Variants in SOX6 observed in about 807,000 individuals in gnomAD.
The protein encoded by SOX6 is SRY-box transcription factor 6.
Under a neutral mutation model 97.8 loss-of-function variants are expected in SOX6, and 11 were observed. That is an observed-to-expected ratio of 0.11 (90% CI 0.07 to 0.19). The LOEUF (loss-of-function observed/expected upper bound fraction) is 0.19, where lower values mean the gene tolerates loss of function less well. SOX6 is among the 10% of genes least tolerant of loss of function. The probability of loss-of-function intolerance (pLI) is 1.00; values close to 1 mark genes in which losing one functional copy is unlikely to be tolerated. For missense variants in SOX6, 810 were observed against 1,039.5 expected (o/e 0.78, Z 3.04); for synonymous variants, 360 against 371.4 (o/e 0.97, Z 0.35).
chr11:16,398,623 T>A (rs1187928648), intron 1 of SOX6, among the ~76,000 whole-genome samples: 1 of 151,418 alleles, frequency 6.6e-6, no homozygotes, highest in Non-Finnish European at 1.5e-5. Flanking sequence ...CTTATTGAGG[T>A]CTAGCTGCCT....
chr11:16,049,824 C>T lies in SOX6; in HGVS notation c.1366G>A (p.Val456Ile), dbSNP rs1407614111. Reference sequence around the variant, plus strand: ...ATGCTGCTTTTGTTTGGCAGATTGACAGGGCTGGTTTTGCTGGCTGGGAAG... The same window carrying T: ...ATGCTGCTTTTGTTTGGCAGATTGATAGGGCTGGTTTTGCTGGCTGGGAAG... ...NLFPASKTSP[V>I]NLPNKSSIPS... Residue 456 changes from valine (V) to isoleucine (I), a missense_variant, in exon 11 of 16, where the codon GTC becomes ATC. Val to Ile is a conservative substitution (Grantham distance 29, BLOSUM62 3). Transcript: ENST00000683767. 1.9e-6 allele frequency: 3 copies of T among 1,613,396 alleles called. No homozygotes were observed. Among genetic ancestry groups the T allele is most frequent in the Admixed American group, 1.7e-5 (1 of 59,912 alleles).
intron 4 of SOX6, among the ~76,000 whole-genome samples, chr11:16,590,769 G>T (rs1848140674): frequency 6.6e-6 from 1 of 152,008 alleles, no homozygotes; most frequent in Non-Finnish European, 1.5e-5. Flanking sequence ...TGAACTCATG[G>T]AGACAGAGAG....
intron 1 of SOX6, among the ~76,000 whole-genome samples, chr11:16,440,779 G>A (rs1326392711): frequency 2.0e-5 from 3 of 152,102 alleles, no homozygotes; most frequent in Non-Finnish European, 4.4e-5. Flanking sequence ...AAAAATGTAA[G>A]AAGTAAAACA....
At chr11:16,611,426 T>C (rs1848397031) in intron 4 of SOX6, among the ~76,000 whole-genome samples, 1 of 152,192 alleles carries the variant, frequency 6.6e-6, no homozygotes, top group African/African-American at 2.4e-5. Flanking sequence ...TAACTGTCAA[T>C]CGCTCCCAAA....
At chr11:16,640,362 TAA>T (rs1466091576) in intron 3 of SOX6, among the ~76,000 whole-genome samples, 13 of 152,242 alleles carry the variant, frequency 8.5e-5, no homozygotes, top group Admixed American at 8.5e-4. Flanking sequence ...GATATTGGTC[TAA>T]AATTCTCTTT....
chr11:16,187,001 G>A, intron 4 of SOX6, 46 bp from the exon 5 acceptor site: 2 of 1,605,588 alleles, frequency 1.2e-6, no homozygotes, highest in Non-Finnish European at 1.7e-6. Context: ...AGAAATACCT[G>A]GACGAATAAG....
At chr11:16,735,713 A>G (rs1190409043) in intron 2 of SOX6, among the ~76,000 whole-genome samples, 4 of 152,170 alleles carry the variant, frequency 2.6e-5, no homozygotes, top group African/African-American at 4.8e-5. Flanking sequence ...CTTGCAAATT[A>G]TTGTGAAACT....
At chr11:16,319,612 G>A (rs977156427) in intron 2 of SOX6, among the ~76,000 whole-genome samples, 7 of 150,932 alleles carry the variant, frequency 4.6e-5, no homozygotes, top group African/African-American at 1.7e-4. Context: ...TTGTCCTTGC[G>A]ATAGTTTGCT....
At chr11:16,198,213 C>T (rs964657533) in intron 4 of SOX6, among the ~76,000 whole-genome samples, 2 of 147,898 alleles carry the variant, frequency 1.4e-5, no homozygotes, top group Non-Finnish European at 3.0e-5. Flanking sequence ...GCCACCACGC[C>T]CTGCTAATTT....
At chr11:16,583,475 T>C (rs907131836) in intron 4 of SOX6, among the ~76,000 whole-genome samples, 2 of 151,152 alleles carry the variant, frequency 1.3e-5, no homozygotes, top group Non-Finnish European at 3.0e-5. Flanking sequence ...ACCACTATTC[T>C]ACTGTCTACT....
intron 4 of SOX6, among the ~76,000 whole-genome samples, chr11:16,560,648 C>T (rs113520473): frequency 0.015 from 2,132 of 142,870 alleles, 227 homozygotes; most frequent in African/African-American, 0.06. Flanking sequence ...TATGTTTATA[C>T]GAAAATGTAT....
intron 3 of SOX6, among the ~76,000 whole-genome samples, chr11:16,675,038 G>A (rs1184438897): frequency 1.3e-5 from 2 of 152,082 alleles, no homozygotes; most frequent in Admixed American, 6.5e-5. Flanking sequence ...AAAACCTGAA[G>A]TCTCCACAAA....
intron 12 of SOX6, among the ~76,000 whole-genome samples, chr11:16,026,125 T>C (rs1024721436): frequency 1.3e-5 from 2 of 152,128 alleles, no homozygotes; most frequent in South Asian, 2.1e-4. Context: ...ATCTGCAAAA[T>C]GAGGGAGTTA....
chr11:16,512,277 A>G (rs1328801017), intron 4 of SOX6, among the ~76,000 whole-genome samples: 5 of 152,232 alleles, frequency 3.3e-5, no homozygotes, highest in African/African-American at 1.2e-4. Context: ...GAGAAATAGT[A>G]ACACATGACA....
intron 3 of SOX6, among the ~76,000 whole-genome samples, chr11:16,286,837 TTTAA>T (rs1854757551): frequency 1.3e-5 from 2 of 152,184 alleles, no homozygotes; most frequent in African/African-American, 4.8e-5. Context: ...ATTTATATTT[TTTAA>T]TTAAACTTTA....
chr11:16,415,331 AAAAAAAAGCTGATTTCATAGC>A (rs1477508043), intron 1 of SOX6, among the ~76,000 whole-genome samples: 36 of 152,206 alleles, frequency 2.4e-4, no homozygotes, highest in Admixed American at 2.2e-3. Context: ...GATGCTTAAA[AAAAAAAAGCTGATTTCATAGC>A]AGTAGAGTAG....
chr11:16,653,891 A>G (rs1395708480), intron 3 of SOX6, among the ~76,000 whole-genome samples: 1 of 146,250 alleles, frequency 6.8e-6, no homozygotes, highest in Non-Finnish European at 1.5e-5. Context: ...TTAACATAAT[A>G]TAATATTTAT....
intron 3 of SOX6, among the ~76,000 whole-genome samples, chr11:16,614,170 G>T (rs1254892784): frequency 6.6e-5 from 10 of 152,338 alleles, no homozygotes; most frequent in African/African-American, 2.2e-4. Context: ...CAGTGGCAGA[G>T]GGTGGGGGCA....
intron 9 of SOX6, among the ~76,000 whole-genome samples, chr11:16,058,303 C>T (rs770395439): frequency 6.6e-5 from 10 of 151,978 alleles, no homozygotes; most frequent in Admixed American, 2.0e-4. Flanking sequence ...TTCTGTTTGA[C>T]AATATTAATT....
Sources: allele counts gnomAD v4.1 joint callset (sites outside exome capture counted in the v4.1 genomes callset), GRCh38; gene constraint gnomAD v4.1.1; transcripts MANE v1.5; gene names NCBI Gene and HGNC (gene_info 2026-07-23, HGNC 2026-07-21).